Variants in GPHN observed in about 807,000 individuals in gnomAD.
The protein encoded by GPHN is gephyrin.
A neutral mutation model predicts 95.5 loss-of-function variants in GPHN; 17 were observed. The ratio of observed to expected loss-of-function variants is 0.18; its 90% CI spans 0.12 to 0.27. The LOEUF (loss-of-function observed/expected upper bound fraction) is 0.27. Ranked by LOEUF, GPHN falls within the 10% of genes least tolerant of loss-of-function variation. GPHN has a pLI of 1.00. For synonymous variants in GPHN, 320 were observed against 322.5 expected, an observed-to-expected ratio of 0.99 and a Z score of 0.08; for missense variants, 660 against 978.1, an observed-to-expected ratio of 0.67 and a Z score of 4.34.
intron 11 of GPHN, among the ~76,000 whole-genome samples, chr14:67,076,441 T>C (rs912388209): frequency 3.9e-5 from 6 of 152,118 alleles, no homozygotes; most frequent in Admixed American, 3.9e-4. Context: ...CTCTAAAGTA[T>C]CCCTGTAATT....
At chr14:66,518,967 A>G (rs1594796644) in intron 1 of GPHN, among the ~76,000 whole-genome samples, 2 of 152,142 alleles carry the variant, frequency 1.3e-5, no homozygotes, top group Non-Finnish European at 2.9e-5. Context: ...TCAAATAGCT[A>G]GAAGGAGGAT....
intron 4 of GPHN, among the ~76,000 whole-genome samples, chr14:66,844,949 T>C (rs1393686662): frequency 6.6e-6 from 1 of 152,192 alleles, no homozygotes; most frequent in African/African-American, 2.4e-5. Context: ...CTGTTCTAGA[T>C]ACCTCATATA....
chr14:66,986,898 GTTTA>G (rs1332663141), intron 9 of GPHN, among the ~76,000 whole-genome samples: 2 of 152,030 alleles, frequency 1.3e-5, no homozygotes, highest in South Asian at 2.1e-4. Flanking sequence ...TTTTGTTATT[GTTTA>G]TTTGTTTGTG....
the GPHN span, among the ~76,000 whole-genome samples, chr14:67,430,231 G>T: frequency 6.6e-6 from 1 of 152,152 alleles, no homozygotes; most frequent in Non-Finnish European, 1.5e-5. Flanking sequence ...GATTTCCCTG[G>T]GACAGAGCTT....
At chr14:67,642,337 CTG>C in the GPHN span, 1 of 1,613,850 alleles carries the variant, frequency 6.2e-7, no homozygotes. Context: ...ATGGCTACAG[CTG>C]TGTCACACTG....
intron 2 of GPHN, among the ~76,000 whole-genome samples, chr14:66,722,185 T>G (rs138580551): frequency 5.1e-4 from 77 of 152,250 alleles, no homozygotes; most frequent in African/African-American, 1.6e-3. Flanking sequence ...ATTGAAAGGA[T>G]TCCGCTTTTT....
intron 1 of GPHN, among the ~76,000 whole-genome samples, chr14:66,590,721 A>C (rs753599204): frequency 1.3e-5 from 2 of 152,198 alleles, no homozygotes; most frequent in African/African-American, 2.4e-5. Context: ...ATTCTACCAG[A>C]AGTACAAAGA....
At chr14:66,838,370 T>C (rs1196250548) in intron 4 of GPHN, among the ~76,000 whole-genome samples, 1 of 152,112 alleles carries the variant, frequency 6.6e-6, no homozygotes, top group Non-Finnish European at 1.5e-5. Context: ...ATAAGAATTA[T>C]TCTCTGAAAG....
intron 1 of GPHN, among the ~76,000 whole-genome samples, chr14:66,645,351 CACA>C (rs1360767649): frequency 1.3e-5 from 2 of 152,000 alleles, no homozygotes; most frequent in Non-Finnish European, 2.9e-5. Context: ...TATAATACAT[CACA>C]ACAACATCTC....
At chr14:67,065,378 G>A (rs780448171) in intron 11 of GPHN, among the ~76,000 whole-genome samples, 2 of 152,230 alleles carry the variant, frequency 1.3e-5, no homozygotes, top group Non-Finnish European at 2.9e-5. Context: ...TAGAATACGT[G>A]CAATGTGGTG....
chr14:67,723,473 G>A, the GPHN span, among the ~76,000 whole-genome samples: 2 of 152,094 alleles, frequency 1.3e-5, no homozygotes, highest in Non-Finnish European at 2.9e-5. Flanking sequence ...GGGCTTAAGC[G>A]ACCATCCCAC....
At chr14:66,900,781 T>G (rs141675855) in intron 5 of GPHN, among the ~76,000 whole-genome samples, 2 of 152,190 alleles carry the variant, frequency 1.3e-5, no homozygotes, top group African/African-American at 4.8e-5. Context: ...TCTTTATCCA[T>G]TTGTATGTTC....
At chr14:67,280,508 AACAG>A in the GPHN span, among the ~76,000 whole-genome samples, 3 of 152,204 alleles carry the variant, frequency 2.0e-5, no homozygotes, top group Non-Finnish European at 2.9e-5. Context: ...TAATCCTGTT[AACAG>A]TACTCTGTAA....
chr14:66,583,869 G>A (rs1314807304), intron 1 of GPHN, among the ~76,000 whole-genome samples: 2 of 151,822 alleles, frequency 1.3e-5, no homozygotes, highest in African/African-American at 4.8e-5. Flanking sequence ...GGCAATGCGG[G>A]CTCTTTTTTG....
chr14:67,511,510 A>G, the GPHN span, among the ~76,000 whole-genome samples: 1 of 152,178 alleles, frequency 6.6e-6, no homozygotes, highest in African/African-American at 2.4e-5. Context: ...AGAATCCCGA[A>G]AAAAATATTA....
the GPHN span, among the ~76,000 whole-genome samples, chr14:67,280,983 C>T: frequency 1.3e-3 from 201 of 151,564 alleles, 2 homozygotes; most frequent in Admixed American, 3.7e-3. Context: ...CAGCAATCTC[C>T]GCCTTCCCAG....
At chr14:66,846,651 C>T (rs550807229) in intron 4 of GPHN, among the ~76,000 whole-genome samples, 1 of 152,244 alleles carries the variant, frequency 6.6e-6, no homozygotes, top group South Asian at 2.1e-4. Context: ...CTGGCAGTAA[C>T]TTAAATGTCG....
the GPHN span, chr14:67,320,184 C>G: frequency 6.4e-7 from 1 of 1,570,636 alleles, no homozygotes; most frequent in Non-Finnish European, 8.6e-7. Context: ...ATCTTTAATA[C>G]ATGGCCATAA....
At chr14:67,582,076 T>G in the GPHN span, 1 of 1,610,108 alleles carries the variant, frequency 6.2e-7, no homozygotes, top group Non-Finnish European at 8.5e-7. This position sits in a 1 kb window ranked among gnomAD's most constrained non-coding sequence, Gnocchi z 5.0. Context: ...TAGGCTGTAC[T>G]TTCGCAGTCA....
Sources: gnomAD v4.1 joint callset for allele counts (sites outside exome capture counted in the v4.1 genomes callset) on GRCh38, gnomAD v4.1.1 for gene constraint, Gnocchi (gnomAD v3.1) non-coding constraint, MANE v1.5 for transcripts, NCBI Gene and HGNC (gene_info 2026-07-23, HGNC 2026-07-21) for gene names.